Variants in ACAP2 observed in about 807,000 individuals in gnomAD.
The protein encoded by ACAP2 is arf-GAP with coiled-coil, ANK repeat and PH domain-containing protein 2.
A neutral mutation model predicts 115.8 loss-of-function variants in ACAP2; 39 were observed. The observed-to-expected ratio is 0.34, with a 90% CI of 0.26 to 0.44. The LOEUF (loss-of-function observed/expected upper bound fraction) is 0.44. ACAP2 is among the 20% of genes least tolerant of loss of function. The pLI is 1.00. For synonymous variants in ACAP2, 289 were observed against 315.8 expected, an observed-to-expected ratio of 0.92 and a Z score of 0.90; for missense variants, 662 against 927.6, an observed-to-expected ratio of 0.71 and a Z score of 3.72.
chr3:195,367,918 G>C (rs1732842544), intron 4 of ACAP2, among the ~76,000 whole-genome samples: 1 of 152,204 alleles, frequency 6.6e-6, no homozygotes, highest in African/African-American at 2.4e-5. Flanking sequence ...GAAGTAAGCT[G>C]ATCCCTCCAA....
intron 15 of ACAP2, among the ~76,000 whole-genome samples, chr3:195,298,098 A>G (rs1361790078): frequency 1.3e-5 from 2 of 152,220 alleles, no homozygotes; most frequent in Non-Finnish European, 2.9e-5. Context: ...TGTAGAGAAT[A>G]GAGGTTAAAG....
chr3:195,437,006 T>C (rs944839975), intron 1 of ACAP2, among the ~76,000 whole-genome samples: 34 of 152,282 alleles, frequency 2.2e-4, no homozygotes, highest in Non-Finnish European at 3.7e-4. Flanking sequence ...TTCTATATGA[T>C]AAAAGACACC....
chr3:195,427,771 TGTA>T (rs1714794806), intron 1 of ACAP2, among the ~76,000 whole-genome samples: 1 of 151,944 alleles, frequency 6.6e-6, no homozygotes, highest in Admixed American at 6.6e-5. Flanking sequence ...GTTAGCCAGA[TGTA>T]GTGGTGTGCA....
chr3:195,315,579 A>G (rs550119175), intron 10 of ACAP2, among the ~76,000 whole-genome samples: 27 of 152,292 alleles, frequency 1.8e-4, no homozygotes, highest in African/African-American at 6.5e-4. Context: ...TCAGAGTTCC[A>G]GGTTTTGCCC....
chr3:195,441,897 G>T (rs552164364), intron 1 of ACAP2: 1 of 152,344 alleles, frequency 6.6e-6, no homozygotes, highest in East Asian at 1.9e-4. Flanking sequence ...TAGAAAGAAG[G>T]GCAACCCATG....
intron 1 of ACAP2, among the ~76,000 whole-genome samples, chr3:195,426,657 A>C (rs1402452149): frequency 1.3e-5 from 2 of 152,162 alleles, no homozygotes; most frequent in African/African-American, 4.8e-5. Context: ...TCACTACGGC[A>C]ACTGAGTAGT....
chr3:195,418,986 C>G (rs1297231685), intron 1 of ACAP2, among the ~76,000 whole-genome samples: 1 of 152,080 alleles, frequency 6.6e-6, no homozygotes, highest in African/African-American at 2.4e-5. Context: ...GTATTGTTTT[C>G]TATTCTGTTT....
intron 10 of ACAP2, among the ~76,000 whole-genome samples, chr3:195,316,893 ATTTTTTTTTTTTT>A (rs60184290): frequency 7.4e-5 from 4 of 53,828 alleles, no homozygotes; most frequent in Admixed American, 3.2e-4. Flanking sequence ...ATGTCAGTGA[ATTTTTTTTTTTTT>A]TTTTTTTTTT....
intron 4 of ACAP2, among the ~76,000 whole-genome samples, chr3:195,378,511 C>CAAAAAAAAAAA (rs111244710): frequency 6.8e-6 from 1 of 147,508 alleles, no homozygotes; most frequent in Non-Finnish European, 1.5e-5. Context: ...ACAAAACAAA[C>CAAAAAAAAAAA]AAACAAAAAA....
At chr3:195,415,794 AT>A (rs1713672979) in intron 1 of ACAP2, among the ~76,000 whole-genome samples, 1 of 152,190 alleles carries the variant, frequency 6.6e-6, no homozygotes, top group South Asian at 2.1e-4. Context: ...ATGCAAAATG[AT>A]AAATGTATTT....
intron 8 of ACAP2, among the ~76,000 whole-genome samples, chr3:195,332,383 A>C (rs1165072372): frequency 6.6e-6 from 1 of 152,214 alleles, no homozygotes; most frequent in African/African-American, 2.4e-5. Context: ...CTGCAAAACA[A>C]ACACTTTGTT....
intron 1 of ACAP2, among the ~76,000 whole-genome samples, chr3:195,442,530 C>T (rs1002393766): frequency 9.9e-5 from 15 of 152,126 alleles, no homozygotes; most frequent in African/African-American, 3.6e-4. Context: ...GGAGAGGGTG[C>T]GCCGGCCTTC....
intron 4 of ACAP2, among the ~76,000 whole-genome samples, chr3:195,346,985 G>A (rs1408621451): frequency 6.6e-6 from 1 of 152,040 alleles, no homozygotes; most frequent in Non-Finnish European, 1.5e-5. Context: ...TTAATAATGG[G>A]GCAACATGAG....
intron 1 of ACAP2, among the ~76,000 whole-genome samples, chr3:195,420,810 T>A (rs1337521779): frequency 6.6e-6 from 1 of 151,950 alleles, no homozygotes; most frequent in Non-Finnish European, 1.5e-5. Context: ...GCCCAGCTAA[T>A]TTTTTGTATT....
At chr3:195,305,970 C>T (rs1377597494) in intron 13 of ACAP2, among the ~76,000 whole-genome samples, 5 of 152,016 alleles carry the variant, frequency 3.3e-5, no homozygotes, top group African/African-American at 4.8e-5. Flanking sequence ...AAGCCTATGC[C>T]ACAGTCTTGC....
chr3:195,419,158 C>T (rs1467399760), intron 1 of ACAP2, among the ~76,000 whole-genome samples: 1 of 152,104 alleles, frequency 6.6e-6, no homozygotes, highest in Non-Finnish European at 1.5e-5. Context: ...GTTGTGCACC[C>T]ATCACCCCAG....
intron 4 of ACAP2, among the ~76,000 whole-genome samples, chr3:195,362,954 C>A (rs1385704931): frequency 6.6e-6 from 1 of 152,128 alleles, no homozygotes; most frequent in African/African-American, 2.4e-5. Flanking sequence ...AAGTCCTAAG[C>A]TAGAGCAATA....
intron 15 of ACAP2, among the ~76,000 whole-genome samples, chr3:195,297,570 A>G (rs1250008315): frequency 6.6e-6 from 1 of 152,192 alleles, no homozygotes; most frequent in Non-Finnish European, 1.5e-5. Context: ...GCCACATATC[A>G]CAGCTATTGT....
chr3:195,338,932 C>T (rs1024651116), intron 6 of ACAP2, among the ~76,000 whole-genome samples: 6 of 151,618 alleles, frequency 4.0e-5, no homozygotes, highest in Non-Finnish European at 8.8e-5. Flanking sequence ...CTTTACTTAA[C>T]CATAAGACTA....
Sources: gnomAD v4.1 joint callset for allele counts (sites outside exome capture counted in the v4.1 genomes callset) on GRCh38, gnomAD v4.1.1 for gene constraint, MANE v1.5 for transcripts, NCBI Gene and HGNC (gene_info 2026-07-23, HGNC 2026-07-21) for gene names.